Variants in DISC1 observed in about 807,000 individuals in gnomAD.
DISC1 encodes disrupted in schizophrenia 1 protein.
In DISC1, 57 loss-of-function variants were observed where a neutral mutation model predicts 84.5. That is an observed-to-expected ratio of 0.67 (90% CI 0.55 to 0.84). The LOEUF is 0.84. Among genes scored for constraint, DISC1 ranks in the 40% least tolerant of loss-of-function variants. DISC1 has a pLI of 0.00. For synonymous variants in DISC1, 411 were observed against 415.2 expected, an observed-to-expected ratio of 0.99 and a Z score of 0.12; for missense variants, 1,000 against 1,057.8, an observed-to-expected ratio of 0.95 and a Z score of 0.76.
chr1:231,765,424 C>T lies in DISC1; in HGVS notation c.1269-1716C>T, dbSNP rs115392438. Among the ~76,000 whole-genome samples the T allele has an allele frequency of 3.3e-3, 505 of 152,194 alleles. 1 individual carries two copies. Among genetic ancestry groups the T allele is most frequent in the African/African-American group, 0.012 (482 of 41,536 alleles). On this transcript the variant is annotated intron_variant, in intron 4 of 12. Transcript: ENST00000439617. ...TTCTGGTTGGTGCACTTGTCTTTTC[C>T]TTCATAATTTGATATAACTTTTTAT...
At chr1:231,645,883 G>A (rs1382258583) in intron 1 of DISC1, among the ~76,000 whole-genome samples, 2 of 150,314 alleles carry the variant, frequency 1.3e-5, no homozygotes, top group East Asian at 2.0e-4. Flanking sequence ...TGGTGTATAT[G>A]TGCCACATTT....
intron 9 of DISC1, among the ~76,000 whole-genome samples, chr1:231,941,890 C>T (rs1418163450): frequency 4.6e-5 from 7 of 152,158 alleles, no homozygotes; most frequent in African/African-American, 1.7e-4. Flanking sequence ...GGCAGCCAGC[C>T]AAGAACTGTA....
chr1:231,695,122 T>G lies in DISC1; in HGVS notation c.1047+317T>G, dbSNP rs146672511. 8.0e-3 allele frequency among the ~76,000 whole-genome samples: 1,211 copies of G among 152,222 alleles called. 14 individuals carry two copies. The highest frequency in any genetic ancestry group is 0.028 in the African/African-American group (1,150 of 41,548). ...CCAGCTCTGCTTTGAGACAGGAAAC[T>G]GGGGGCAGGGGAGATTGAGCTGGGT... On this transcript the variant is annotated intron_variant, in intron 2 of 12. Coordinates refer to ENST00000439617, the MANE Select transcript of DISC1 (RefSeq NM_018662.3).
intron 11 of DISC1, among the ~76,000 whole-genome samples, chr1:232,011,432 T>G (rs77136510): frequency 0.016 from 2,449 of 152,324 alleles, 30 homozygotes; most frequent in African/African-American, 0.024. Flanking sequence ...CAGCTTTTGC[T>G]GGCTTTCAGT....
intron 3 of DISC1, among the ~76,000 whole-genome samples, chr1:231,714,707 T>TGA (rs1009702099): frequency 7.0e-6 from 1 of 141,984 alleles, no homozygotes; most frequent in African/African-American, 2.6e-5. Context: ...AGATAGGGAT[T>TGA]GAGAGAGAGA....
At chr1:231,743,813 T>G (rs2073632731) in intron 3 of DISC1, among the ~76,000 whole-genome samples, 1 of 152,222 alleles carries the variant, frequency 6.6e-6, no homozygotes, top group South Asian at 2.1e-4. Context: ...TGGTAAATGC[T>G]TAGTTTCCGG....
rs889975655 is a variant in DISC1 at position 232,026,468 on chromosome 1, A to C, written c.2341A>C (p.Lys781Gln). The C allele has an allele frequency of 3.7e-6, 6 of 1,607,734 alleles. No individual in the cohort carries two copies. In the African/African-American group the frequency reaches 8.0e-5, roughly 21 times the overall value. Reference sequence around the variant, plus strand: ...CATCCTTTCTGCAGAACTTGGAGAAAAGTGTGAAGACATAGGCAAGAAGCT... The same window carrying C: ...CATCCTTTCTGCAGAACTTGGAGAACAGTGTGAAGACATAGGCAAGAAGCT... ...SYILSAELGE[K>Q]CEDIGKKLLY... Residue 781 changes from lysine (K) to glutamine (Q), a missense_variant, in exon 12 of 13, where the codon AAG (lysine) becomes CAG (glutamine). Lys to Gln is a moderately conservative substitution (Grantham distance 53). Around this residue, in one of 3 missense-constraint regions of DISC1, gnomAD observed 397 missense variants for 377.5 expected, o/e 1.05. Transcript: ENST00000439617.
chr1:231,706,315 A>G (rs909267251), intron 3 of DISC1, among the ~76,000 whole-genome samples: 1 of 152,180 alleles, frequency 6.6e-6, no homozygotes. Flanking sequence ...AGAGAGAGGA[A>G]CTGTGGTCAG....
chr1:231,875,230 G>A (rs200642202), intron 9 of DISC1, among the ~76,000 whole-genome samples: 2 of 152,182 alleles, frequency 1.3e-5, no homozygotes, highest in Non-Finnish European at 2.9e-5. Flanking sequence ...TCAGTGATGG[G>A]GAGAGGAGAA....
intron 10 of DISC1, among the ~76,000 whole-genome samples, chr1:231,996,569 A>T (rs2102943054): frequency 6.6e-6 from 1 of 152,324 alleles, no homozygotes; most frequent in Middle Eastern, 3.4e-3. Flanking sequence ...GAGTTTGGTT[A>T]TAAGAGCTGA....
chr1:231,832,902 T>C (rs190978048), intron 9 of DISC1, among the ~76,000 whole-genome samples: 3,012 of 129,244 alleles, frequency 0.023, 92 homozygotes, highest in East Asian at 0.18. Context: ...CTGTAACAGG[T>C]GAGTGATAAC....
At chr1:231,762,845 A>G (rs11122330) in intron 4 of DISC1, among the ~76,000 whole-genome samples, 21,479 of 152,042 alleles carry the variant, frequency 0.14, 1,571 homozygotes, top group South Asian at 0.19. Flanking sequence ...TATCAAGTCA[A>G]TTTGTTCCCC....
chr1:231,872,283 A>G (rs1450226181), intron 9 of DISC1, among the ~76,000 whole-genome samples: 2 of 152,086 alleles, frequency 1.3e-5, no homozygotes, highest in Non-Finnish European at 2.9e-5. Flanking sequence ...CCATCTTAGT[A>G]ATGAAAAAAA....
At chr1:232,011,690 G>A (rs531036168) in intron 11 of DISC1, among the ~76,000 whole-genome samples, 1 of 151,736 alleles carries the variant, frequency 6.6e-6, no homozygotes, top group Non-Finnish European at 1.5e-5. Context: ...TGATTGTGGT[G>A]GTAGTTACGT....
At chr1:231,726,203 G>C (rs773856893) in intron 3 of DISC1, among the ~76,000 whole-genome samples, 1 of 152,174 alleles carries the variant, frequency 6.6e-6, no homozygotes, top group Non-Finnish European at 1.5e-5. Context: ...TAACATGAAG[G>C]CATGAAGAAG....
At chr1:231,697,005 G>A (rs1212475422) in intron 2 of DISC1, among the ~76,000 whole-genome samples, 2 of 152,194 alleles carry the variant, frequency 1.3e-5, no homozygotes, top group African/African-American at 2.4e-5. Context: ...CCAGGGCATA[G>A]GACTTACAGG....
intron 1 of DISC1, among the ~76,000 whole-genome samples, chr1:231,649,094 A>G (rs1201380925): frequency 6.6e-6 from 1 of 151,908 alleles, no homozygotes; most frequent in Non-Finnish European, 1.5e-5. Flanking sequence ...CTTGCCTTCT[A>G]CTAGCTTTTG....
intron 3 of DISC1, among the ~76,000 whole-genome samples, chr1:231,715,171 G>C (rs1413381497): frequency 6.6e-6 from 1 of 152,178 alleles, no homozygotes; most frequent in Non-Finnish European, 1.5e-5. Flanking sequence ...CTGGCTACCT[G>C]TCTGTCTCTG....
At chr1:231,822,820 G>T (rs1241121370) in intron 9 of DISC1, among the ~76,000 whole-genome samples, 1 of 152,098 alleles carries the variant, frequency 6.6e-6, no homozygotes, top group East Asian at 1.9e-4. Flanking sequence ...AAGGGGAGCT[G>T]GCCTAGGCAG....
Sources: gnomAD v4.1 joint callset for allele counts (sites outside exome capture counted in the v4.1 genomes callset) on GRCh38, gnomAD v4.1.1 for gene constraint, gnomAD v4.1.1 regional missense constraint, MANE v1.5 for transcripts, NCBI Gene and HGNC (gene_info 2026-07-23, HGNC 2026-07-21) for gene names.